The following ZNF597 variants were observed in gnomAD, a reference collection of about 807,000 sequenced individuals.
ZNF597 encodes zinc finger protein 597.
A neutral mutation model predicts 7.3 loss-of-function variants in ZNF597; 5 were observed. That is an observed-to-expected ratio of 0.68 (90% CI 0.36 to 1.44). The LOEUF (loss-of-function observed/expected upper bound fraction) is 1.44. Ranked by LOEUF, ZNF597 falls within the 40% of genes most tolerant of loss-of-function variation. ZNF597 has a pLI of 0.04. For missense variants in ZNF597, 585 were observed against 517.9 expected (o/e 1.13, Z -1.26); for synonymous variants, 209 against 185.4 (o/e 1.13, Z -1.04).
chr16:3,439,239 C>A (rs887041583), intron 3 of ZNF597, among the ~76,000 whole-genome samples: 1 of 151,544 alleles, frequency 6.6e-6, no homozygotes, highest in African/African-American at 2.4e-5. Context: ...CAAAAAAAGA[C>A]AAGCATGGTA....
intron 2 of ZNF597, among the ~76,000 whole-genome samples, chr16:3,441,961 C>T (rs937933068): frequency 2.1e-5 from 3 of 144,850 alleles, no homozygotes; most frequent in African/African-American, 7.8e-5. Context: ...GCCTAGGCGT[C>T]GCAGCGAGAC....
At position 3,436,313 on chromosome 16, in the gene ZNF597, G is replaced by A; in HGVS notation, c.*111C>T. The A allele has an allele frequency of 1.0e-6, 1 of 991,160 alleles. No homozygotes were observed. The highest frequency in any genetic ancestry group is 2.6e-5 in the East Asian group (1 of 38,742). 61.4% of individuals were successfully genotyped at this position (991,160 alleles called of 1,614,324 possible). On this transcript the variant is annotated 3_prime_UTR_variant, in exon 4 of 4. Transcript: ENST00000301744. ...TTGTGCTGAGAATTAAGTATTACAT[G>A]GGAATGTGTGTAAAGTGCTTAGCAC...
Position 3,437,033 on chromosome 16 carries a change from G to A in ZNF597, c.666C>T (p.Arg222=), listed in dbSNP as rs753460930. The A allele has an allele frequency of 8.7e-6, 14 of 1,614,162 alleles. No individual in the cohort carries two copies. Among genetic ancestry groups the A allele is most frequent in the Non-Finnish European group, 1.2e-5 (14 of 1,180,034 alleles). ...YKCAKCSASF[R]QHSHLSRHMN... ...TGTGTCGGGATAGATGAGAGTGCTG[G>A]CGAAAGCTGGCACTGCACTTGGCAC... Residue 222 remains arginine, a synonymous_variant, in exon 4 of 4, where the codon CGC becomes CGT. Coordinates refer to ENST00000301744, the MANE Select transcript of ZNF597 (RefSeq NM_152457.3).
chr16:3,436,335 G>C lies in ZNF597; in HGVS notation c.*89C>G. 2.4e-6 allele frequency: 3 copies of C among 1,255,410 alleles called. No homozygotes were observed. Among genetic ancestry groups the C allele is most frequent in the South Asian group, 2.9e-5 (2 of 69,020 alleles). The allele number at this position is 1,255,410 out of a possible 1,614,324, so 77.8% of individuals were successfully genotyped here. A position where few individuals can be genotyped will look rare whatever the true frequency, so the allele number is the denominator to read the frequency against. On this transcript the variant is annotated 3_prime_UTR_variant, in exon 4 of 4. Transcript: ENST00000301744. ...CATGGGAATGTGTGTAAAGTGCTTA[G>C]CACATTGCCTGGGACATATACAGTA...
chr16:3,443,322 T>C (rs1409800686), intron 1 of ZNF597, 38 bp downstream of exon 1: 1 of 637,122 alleles, frequency 1.6e-6, no homozygotes, highest in East Asian at 3.1e-5. Context: ...CGCCGACTGC[T>C]CCTCCTCTTG....
chr16:3,436,720 C>T lies in ZNF597; in HGVS notation c.979G>A (p.Asp327Asn), dbSNP rs768409007. The change falls in exon 4 of 4, where the codon GAT becomes AAT. Residue 327 changes from aspartate (D) to asparagine (N), a missense_variant. Transcript: ENST00000301744. Reference protein sequence around the residue: ...SHDEDSERCSDDGDNFFSFSK... With the variant: ...SHDEDSERCSNDGDNFFSFSK... ...AATGAGAAGAAATTGTCCCCATCAT[C>T]GCTGCAGCGTTCAGAGTCCTCGTCG... is the stretch of plus-strand genomic sequence containing the variant. The T allele has an allele frequency of 1.1e-5, 17 of 1,613,962 alleles. No individual in the cohort carries two copies. In the African/African-American group the frequency reaches 1.1e-4, roughly 10 times the overall value.
At chr16:3,439,097 G>T (rs373425867) in intron 3 of ZNF597, among the ~76,000 whole-genome samples, 22 of 152,260 alleles carry the variant, frequency 1.4e-4, no homozygotes, top group African/African-American at 5.3e-4. Flanking sequence ...ACTTTCCTGA[G>T]GCTAGGTACA....
intron 2 of ZNF597, among the ~76,000 whole-genome samples, chr16:3,442,540 C>T (rs560624380): frequency 0.01 from 1,555 of 151,954 alleles, 20 homozygotes; most frequent in African/African-American, 0.035. Flanking sequence ...CAGGGCGTGG[C>T]GGCAGGCGCC....
chr16:3,438,626 T>C (rs942477829), intron 3 of ZNF597, among the ~76,000 whole-genome samples: 1 of 152,006 alleles, frequency 6.6e-6, no homozygotes, highest in Non-Finnish European at 1.5e-5. Flanking sequence ...GTGAGCATTT[T>C]TCTTCCATAA....
chr16:3,440,188 A>G (rs1263203997), intron 3 of ZNF597, among the ~76,000 whole-genome samples: 1 of 152,232 alleles, frequency 6.6e-6, no homozygotes, highest in Non-Finnish European at 1.5e-5. Context: ...AGAGTAAATC[A>G]ATCTCCAGTC....
chr16:3,436,516 C>G lies in ZNF597; in HGVS notation c.1183G>C (p.Glu395Gln), dbSNP rs2034301857. ...ACHQKSHMLA[E>Q]PFKCTVCGKT... ...CCACACACGGTACATTTAAAAGGTT[C>G]CGCTAGCATGTGGCTCTTCTGGTGG... The change falls in exon 4 of 4, where the codon GAA becomes CAA. Residue 395 changes from glutamate to glutamine, a missense_variant. Glu to Gln is a conservative substitution (Grantham distance 29). Coordinates refer to ENST00000301744, the MANE Select transcript of ZNF597 (RefSeq NM_152457.3). The G allele has an allele frequency of 1.2e-6, 2 of 1,614,078 alleles. No homozygotes were observed. The highest frequency in any genetic ancestry group is 1.3e-5 in the African/African-American group (1 of 74,926).
chr16:3,443,475 C>G lies in ZNF597; in HGVS notation c.-169G>C. 1 of 516,686 alleles carries G rather than the reference C, an allele frequency of 1.9e-6. No individual in the cohort carries two copies. Among genetic ancestry groups the G allele is most frequent in the Non-Finnish European group, 3.4e-6 (1 of 295,940 alleles). The allele number at this position is 516,686 out of a possible 1,614,324, so 32.0% of individuals were successfully genotyped here. A position where few individuals can be genotyped will look rare whatever the true frequency, so the allele number is the denominator to read the frequency against. On this transcript the variant is annotated 5_prime_UTR_variant, in exon 1 of 4. Coordinates refer to ENST00000301744, the MANE Select transcript of ZNF597 (RefSeq NM_152457.3). ...ACTGCAAAACTCCCACGCTCTCATG[C>G]TCCTTTACGCAGGAGCTGCGGGAAA...
Position 3,443,383 on chromosome 16 carries a change from TCG to T in ZNF597, c.-79_-78del, listed in dbSNP as rs2034425554. 2 of 550,578 alleles carry T rather than the reference TCG, an allele frequency of 3.6e-6. No individual in the cohort carries two copies. Among genetic ancestry groups the T allele is most frequent in the Admixed American group, 7.2e-5 (2 of 27,594 alleles). The allele number at this position is 550,578 out of a possible 1,614,324, so 34.1% of individuals were successfully genotyped here. On this transcript the variant is annotated 5_prime_UTR_variant, in exon 1 of 4. The change creates a premature stop within an existing upstream ORF in the 5' untranslated region. Coordinates refer to ENST00000301744, the MANE Select transcript of ZNF597 (RefSeq NM_152457.3). ...ACCGCTCCGCGGTTAATAACAGGCC[TCG>T]CGCTCCCTGACAGGAGCTGCAGAAA...
At chr16:3,441,977 CAA>C (rs57118709) in intron 2 of ZNF597, among the ~76,000 whole-genome samples, 11 of 91,464 alleles carry the variant, frequency 1.2e-4, no homozygotes, top group Admixed American at 5.0e-4. Flanking sequence ...GAGACTGTCT[CAA>C]AAAAAAAAAA....
chr16:3,441,671 A>T (rs2150934516), intron 2 of ZNF597, among the ~76,000 whole-genome samples: 1 of 151,100 alleles, frequency 6.6e-6, no homozygotes, highest in African/African-American at 2.4e-5. Flanking sequence ...GGGCAACAAG[A>T]GTAAAACTCC....
In ZNF597 at chr16:3,434,435, G is replaced by A. The variant is rs1279685553; in HGVS notation, c.*1989C>T. 1 of 152,220 alleles carries A rather than the reference G, an allele frequency of 6.6e-6. No homozygotes were observed. The highest frequency in any genetic ancestry group is 1.5e-5 in the Non-Finnish European group (1 of 68,048). 9.4% of individuals were successfully genotyped at this position (152,220 alleles called of 1,614,324 possible). On this transcript the variant is annotated 3_prime_UTR_variant, in exon 4 of 4. Coordinates refer to ENST00000301744, the MANE Select transcript of ZNF597 (RefSeq NM_152457.3). ...TTTCTACACATTTCAAAGCACCTCAGAGAAACCTGGAAGCTGGTGTCCTGT... is the reference window on the plus strand; with the variant it reads ...TTTCTACACATTTCAAAGCACCTCAAAGAAACCTGGAAGCTGGTGTCCTGT...
At position 3,434,300 on chromosome 16, in the gene ZNF597, T is replaced by C. The variant is rs553672066; in HGVS notation, c.*2124A>G. On this transcript the variant is annotated 3_prime_UTR_variant, in exon 4 of 4. Coordinates refer to ENST00000301744, the MANE Select transcript of ZNF597 (RefSeq NM_152457.3). ...ATGTGCTGATGAGGCTCCTGCCAGT[T>C]TCTCCCACTGAGGGCAGAAGCAGGA... 1 of 152,354 alleles carries C rather than the reference T, an allele frequency of 6.6e-6. No homozygotes were observed. Among genetic ancestry groups the C allele is most frequent in the Admixed American group, 6.5e-5 (1 of 15,296 alleles). The allele number at this position is 152,354 out of a possible 1,614,324, so 9.4% of individuals were successfully genotyped here. A position where few individuals can be genotyped will look rare whatever the true frequency, so the allele number is the denominator to read the frequency against.
chr16:3,440,165 A>G (rs1692475641), intron 3 of ZNF597, among the ~76,000 whole-genome samples: 1 of 152,252 alleles, frequency 6.6e-6, no homozygotes, highest in South Asian at 2.1e-4. Flanking sequence ...TGAGTAAGGC[A>G]TAGCACCCCT....
In ZNF597 at chr16:3,443,420, G is replaced by A. The variant is rs2034426327; in HGVS notation, c.-114C>T. On this transcript the variant is annotated 5_prime_UTR_variant, in exon 1 of 4. Transcript: ENST00000301744. The stretch of plus-strand genomic sequence containing the variant: ...ACAGGAGCTGCAGAAAGCGACGCCC[G>A]ACCGAGACGCGACGAAGAACGCCAC... 1 of 506,396 alleles carries A rather than the reference G, an allele frequency of 2.0e-6. No homozygotes were observed. Among genetic ancestry groups the A allele is most frequent in the Non-Finnish European group, 3.5e-6 (1 of 289,032 alleles). The allele number at this position is 506,396 out of a possible 1,614,324, so 31.4% of individuals were successfully genotyped here.
Sources: gnomAD v4.1 joint callset for allele counts (sites outside exome capture counted in the v4.1 genomes callset) on GRCh38, gnomAD v4.1.1 for gene constraint, MANE v1.5 for transcripts, NCBI Gene and HGNC (gene_info 2026-07-23, HGNC 2026-07-21) for gene names.